MCM6: variants seen among roughly 807,000 people sequenced by gnomAD.
MCM6 encodes minichromosome maintenance complex component 6.
MCM6 carries 46 observed loss-of-function variants against 94.3 expected under a neutral mutation model. The ratio of observed to expected loss-of-function variants is 0.49; its 90% CI spans 0.39 to 0.62. MCM6 has a LOEUF of 0.62. Ranked by LOEUF, MCM6 falls within the 20% of genes least tolerant of loss-of-function variation. MCM6 has a pLI of 0.00. For synonymous variants in MCM6, 335 were observed against 351.9 expected (o/e 0.95, Z 0.54); for missense variants, 865 against 1,017.9 (o/e 0.85, Z 2.04).
chr2:135,843,885 T>TGA (rs2105571064), intron 16 of MCM6, among the ~76,000 whole-genome samples: 2 of 152,134 alleles, frequency 1.3e-5, no homozygotes, highest in African/African-American at 4.8e-5. Flanking sequence ...GTGGACAGGC[T>TGA]GAGTACTGAG....
intron 16 of MCM6, among the ~76,000 whole-genome samples, chr2:135,843,530 C>G (rs1679615224): frequency 6.6e-6 from 1 of 151,646 alleles, no homozygotes; most frequent in Non-Finnish European, 1.5e-5. Context: ...GTTAGGAGTT[C>G]TAGATCAGCC....
chr2:135,873,721 A>G (rs1258066754), intron 1 of MCM6, among the ~76,000 whole-genome samples: 2 of 152,246 alleles, frequency 1.3e-5, no homozygotes, highest in African/African-American at 4.8e-5. Flanking sequence ...GTTAACTAAC[A>G]CTTTGTCTGC....
At chr2:135,858,704 A>G (rs1231449095) in intron 9 of MCM6, among the ~76,000 whole-genome samples, 2 of 152,220 alleles carry the variant, frequency 1.3e-5, no homozygotes, top group Non-Finnish European at 2.9e-5. Flanking sequence ...CACTTACTGT[A>G]CTTGTACTCA....
chr2:135,864,537 C>T (rs772027289), intron 7 of MCM6, among the ~76,000 whole-genome samples: 2 of 152,068 alleles, frequency 1.3e-5, no homozygotes, highest in Non-Finnish European at 2.9e-5. Context: ...ACTAGTCTCG[C>T]ATATGGAAAC....
Position 135,868,809 on chromosome 2 carries a change from C to T in MCM6, c.417G>A (p.Gly139=), listed in dbSNP as rs1558763024. ...GAACTGGGTGAGTCCGCACCACCTG[C>T]CCACTGATGCGAGTGAGCAAACCAA... ...SRIGLLTRIS[G]QVVRTHPVHP... Residue 139 remains glycine, a synonymous_variant, in exon 4 of 17, where the codon GGG becomes GGA. Transcript: ENST00000264156. 1 of 1,614,042 alleles carries T rather than the reference C, an allele frequency of 6.2e-7. No individual in the cohort carries two copies. Among genetic ancestry groups the T allele is most frequent in the East Asian group, 2.2e-5 (1 of 44,884 alleles).
intron 6 of MCM6, among the ~76,000 whole-genome samples, chr2:135,865,622 T>C (rs1680079659): frequency 6.6e-6 from 1 of 152,180 alleles, no homozygotes; most frequent in Non-Finnish European, 1.5e-5. Flanking sequence ...TCCAGAAGAA[T>C]AACAGAGGAA....
intron 15 of MCM6, 61 bp from the exon 16 acceptor site, chr2:135,844,745 A>G: frequency 3.5e-6 from 5 of 1,448,810 alleles, no homozygotes. Flanking sequence ...CCTTGGGTAA[A>G]TCTCTGCCAC....
At chr2:135,855,474 C>A (rs930550296) in intron 11 of MCM6, among the ~76,000 whole-genome samples, 1 of 151,958 alleles carries the variant, frequency 6.6e-6, no homozygotes, top group Non-Finnish European at 1.5e-5. Context: ...AAGACCAACA[C>A]GGGTCTTGAA....
Position 135,846,370 on chromosome 2 carries a change from A to C in MCM6, c.2076T>G (p.Pro692=). ...GINGHADSPA[P]VNGINGYNED... ...CATTGTAGCCATTGATCCCGTTCAC[A>C]GGAGCAGGGCTGTCAGCATGACCTA... The change falls in exon 15 of 17, where the codon CCT becomes CCG. Residue 692 remains proline, a synonymous_variant. Transcript: ENST00000264156. The C allele has an allele frequency of 6.2e-7, 1 of 1,614,192 alleles. No individual in the cohort carries two copies. Among genetic ancestry groups the C allele is most frequent in the Non-Finnish European group, 8.5e-7 (1 of 1,180,000 alleles).
At chr2:135,846,145 G>T in intron 15 of MCM6, 92 bp downstream of exon 15, 1 of 1,314,158 alleles carries the variant, frequency 7.6e-7, no homozygotes, top group Non-Finnish European at 1.1e-6. Context: ...TCTTCCGACA[G>T]AACAACACGA....
intron 13 of MCM6, among the ~76,000 whole-genome samples, chr2:135,848,472 C>T (rs1679710438): frequency 6.6e-6 from 1 of 152,206 alleles, no homozygotes; most frequent in Admixed American, 6.5e-5. Flanking sequence ...GAAATTGACA[C>T]AACTGTTTGG....
At chr2:135,873,339 G>A (rs1343870508) in intron 1 of MCM6, among the ~76,000 whole-genome samples, 1 of 152,142 alleles carries the variant, frequency 6.6e-6, no homozygotes, top group Non-Finnish European at 1.5e-5. Context: ...AAGAAATTCA[G>A]TCTCAAACCC....
intron 13 of MCM6, among the ~76,000 whole-genome samples, chr2:135,850,630 G>A (rs1679763699): frequency 6.6e-6 from 1 of 152,142 alleles, no homozygotes; most frequent in South Asian, 2.1e-4. Flanking sequence ...TTAACCTGTG[G>A]GATAAAAGTA....
Position 135,851,570 on chromosome 2 carries a change from C to T in MCM6, c.1756-7G>A, listed in dbSNP as rs1483264490. 7 of 1,586,200 alleles carry T rather than the reference C, an allele frequency of 4.4e-6. No individual in the cohort carries two copies. The South Asian group carries it at 7.9e-5, about 18-fold the overall frequency. The stretch of plus-strand genomic sequence containing the variant: ...CCTCTGACTCTTTGGAAATCTGTTT[C>T]AGATCATCACTCAAGTTAGAGAAAC... On this transcript the variant is annotated splice_polypyrimidine_tract_variant and splice_region_variant and intron_variant, in intron 12 of 16. Transcript: ENST00000264156.
intron 8 of MCM6, among the ~76,000 whole-genome samples, chr2:135,860,566 A>C (rs2105584719): frequency 6.6e-6 from 1 of 152,362 alleles, no homozygotes; most frequent in South Asian, 2.1e-4. Context: ...AGATTGGTTT[A>C]ACATCTGAAA....
At chr2:135,872,663 C>T in intron 2 of MCM6, 34 bp downstream of exon 2, 2 of 1,607,010 alleles carry the variant, frequency 1.2e-6, no homozygotes, top group Non-Finnish European at 1.7e-6. Flanking sequence ...ATTTCAACCC[C>T]TATTCAAAGT....
intron 11 of MCM6, among the ~76,000 whole-genome samples, chr2:135,853,947 C>T (rs575655841): frequency 1.5e-4 from 23 of 152,274 alleles, no homozygotes; most frequent in African/African-American, 5.3e-4. Context: ...GTTGTCTGGG[C>T]GGAACACAGT....
chr2:135,844,119 C>CA (rs748375569), intron 16 of MCM6, among the ~76,000 whole-genome samples: 1,469 of 118,656 alleles, frequency 0.012, 16 homozygotes, highest in African/African-American at 0.035. Flanking sequence ...GATAAGGATA[C>CA]AAAAAAAAAA....
In MCM6 at chr2:135,866,164, G is replaced by C; in HGVS notation, c.895C>G (p.Leu299Val). The change falls in exon 6 of 17, where the codon CTT becomes GTT. Residue 299 changes from leucine to valine, a missense_variant. Leu to Val is a conservative substitution (Grantham distance 32). Around this residue, in one of 3 missense-constraint regions of MCM6, gnomAD observed 404 missense variants for 451.9 expected, o/e 0.89. Coordinates refer to ENST00000264156, the MANE Select transcript of MCM6 (RefSeq NM_005915.6). ...VRDLSYRLVFLACCVAPTNPR... is the reference protein window; with the variant it reads ...VRDLSYRLVFVACCVAPTNPR... ...TTGGTTGGCGCAACACAGCAGGCAA[G>C]AAAGACCAGCCTATAAGAAAGGTCC... 1 of 1,614,132 alleles carries C rather than the reference G, an allele frequency of 6.2e-7. No individual in the cohort carries two copies. The highest frequency in any genetic ancestry group is 2.2e-5 in the East Asian group (1 of 44,888).
Sources: allele counts gnomAD v4.1 joint callset (sites outside exome capture counted in the v4.1 genomes callset), GRCh38; gene constraint gnomAD v4.1.1; regional missense constraint gnomAD v4.1.1; transcripts MANE v1.5; gene names NCBI Gene and HGNC (gene_info 2026-07-23, HGNC 2026-07-21).